NKAIN2: variants seen among roughly 807,000 people sequenced by gnomAD.
The protein encoded by NKAIN2 is sodium/potassium-transporting ATPase subunit beta-1-interacting protein 2.
A neutral mutation model predicts 32.6 loss-of-function variants in NKAIN2; 14 were observed. The ratio of observed to expected loss-of-function variants is 0.43; its 90% CI spans 0.28 to 0.67. The LOEUF (loss-of-function observed/expected upper bound fraction) is 0.67, where lower values mean the gene tolerates loss of function less well. Among genes scored for constraint, NKAIN2 ranks in the 30% least tolerant of loss-of-function variants. NKAIN2 has a pLI of 0.17. For synonymous variants in NKAIN2, 80 were observed against 87.2 expected, an observed-to-expected ratio of 0.92 and a Z score of 0.46; for missense variants, 198 against 258.3, an observed-to-expected ratio of 0.77 and a Z score of 1.60.
At chr6:124,575,369 T>C (rs142824439) in intron 3 of NKAIN2, among the ~76,000 whole-genome samples, 14 of 152,372 alleles carry the variant, frequency 9.2e-5, no homozygotes, top group African/African-American at 3.4e-4. Context: ...GACTGTCTTC[T>C]CTTTTATAAT....
At chr6:124,786,075 C>A (rs1489315576) in intron 4 of NKAIN2, among the ~76,000 whole-genome samples, 1 of 152,032 alleles carries the variant, frequency 6.6e-6, no homozygotes, top group East Asian at 1.9e-4. Context: ...GCTAGGCTGC[C>A]TTTTCCCTTT....
intron 1 of NKAIN2, among the ~76,000 whole-genome samples, chr6:123,992,511 T>A (rs914153882): frequency 3.3e-5 from 5 of 152,196 alleles, no homozygotes; most frequent in Non-Finnish European, 4.4e-5. Flanking sequence ...TTGAGTCCTC[T>A]TGAAGGCGAA....
chr6:124,285,231 CT>C (rs1554277398), intron 2 of NKAIN2, among the ~76,000 whole-genome samples: 1 of 152,120 alleles, frequency 6.6e-6, no homozygotes, highest in African/African-American at 2.4e-5. Flanking sequence ...AAATGATAAA[CT>C]TTTTTTTCCA....
At chr6:123,918,546 G>A (rs1256277273) in intron 1 of NKAIN2, among the ~76,000 whole-genome samples, 3 of 152,124 alleles carry the variant, frequency 2.0e-5, no homozygotes, top group Non-Finnish European at 4.4e-5. Flanking sequence ...TTAATTTTAT[G>A]TGTCAAAAAA....
At chr6:123,962,957 G>C (rs1777913668) in intron 1 of NKAIN2, among the ~76,000 whole-genome samples, 1 of 152,194 alleles carries the variant, frequency 6.6e-6, no homozygotes, top group Non-Finnish European at 1.5e-5. Flanking sequence ...ACCTCAGTAA[G>C]AACCTGACAA....
chr6:124,153,310 C>T (rs1787822925), intron 1 of NKAIN2, among the ~76,000 whole-genome samples: 1 of 151,720 alleles, frequency 6.6e-6, no homozygotes, highest in African/African-American at 2.4e-5. Flanking sequence ...AAGCAGATCT[C>T]TATGGATATT....
At chr6:124,088,368 C>A (rs1330776279) in intron 1 of NKAIN2, among the ~76,000 whole-genome samples, 1 of 151,866 alleles carries the variant, frequency 6.6e-6, no homozygotes, top group East Asian at 1.9e-4. Flanking sequence ...TCAATCATGC[C>A]ACTGCACTCC....
chr6:123,864,466 C>G (rs1775906370), intron 1 of NKAIN2, among the ~76,000 whole-genome samples: 1 of 152,178 alleles, frequency 6.6e-6, no homozygotes, highest in South Asian at 2.1e-4. Flanking sequence ...AGTCCCTATT[C>G]TTATGAAGCT....
At chr6:124,744,007 C>A (rs1280026890) in intron 4 of NKAIN2, among the ~76,000 whole-genome samples, 1 of 151,674 alleles carries the variant, frequency 6.6e-6, no homozygotes, top group Non-Finnish European at 1.5e-5. Flanking sequence ...TAATTGTGAT[C>A]AGTTATGTTT....
intron 1 of NKAIN2, among the ~76,000 whole-genome samples, chr6:123,892,874 A>G (rs1774089304): frequency 6.6e-6 from 1 of 151,324 alleles, no homozygotes; most frequent in African/African-American, 2.4e-5. Context: ...GATGCCATAT[A>G]CCTCAAATTT....
intron 4 of NKAIN2, among the ~76,000 whole-genome samples, chr6:124,730,760 A>T (rs1461852902): frequency 6.6e-6 from 1 of 152,014 alleles, no homozygotes; most frequent in Non-Finnish European, 1.5e-5. Context: ...AACTACCATC[A>T]GAGTGAACAG....
intron 4 of NKAIN2, among the ~76,000 whole-genome samples, chr6:124,764,376 C>T (rs982698177): frequency 3.3e-5 from 5 of 151,972 alleles, no homozygotes; most frequent in Non-Finnish European, 4.4e-5. Flanking sequence ...AAAAATTCAC[C>T]AATAATATAT....
At position 124,323,784 on chromosome 6, in the gene NKAIN2, CT is replaced by C. The variant is rs1188944631; in HGVS notation, c.193-31464del. ...GCTGTTTCAATTCTTTTAATTTTTT[CT>C]TTTTTTTTTTTTTTTTTTCTGAGAC... On this transcript the variant is annotated intron_variant, in intron 2 of 6. Transcript: ENST00000368417. 2.5e-3 allele frequency among the ~76,000 whole-genome samples: 291 copies of C among 115,930 alleles called. 3 individuals carry two copies. The highest frequency in any genetic ancestry group is 0.012 in the South Asian group (48 of 3,900). 76.1% of individuals were successfully genotyped at this position (115,930 alleles called of 152,430 possible).
chr6:124,486,859 T>A (rs1777672052), intron 3 of NKAIN2, among the ~76,000 whole-genome samples: 1 of 152,138 alleles, frequency 6.6e-6, no homozygotes, highest in African/African-American at 2.4e-5. Flanking sequence ...TACCATCTTC[T>A]TATCCTAGCC....
At chr6:124,602,233 A>G (rs150013965) in intron 3 of NKAIN2, among the ~76,000 whole-genome samples, 2 of 152,148 alleles carry the variant, frequency 1.3e-5, no homozygotes, top group Non-Finnish European at 2.9e-5. Flanking sequence ...CTATCAGTCC[A>G]GTCCATGCTT....
At chr6:124,126,606 G>A (rs1394310671) in intron 1 of NKAIN2, among the ~76,000 whole-genome samples, 1 of 152,098 alleles carries the variant, frequency 6.6e-6, no homozygotes, top group Non-Finnish European at 1.5e-5. Context: ...TAGCCGTTCA[G>A]TATTGCCCAA....
At chr6:123,943,625 A>G (rs1469964550) in intron 1 of NKAIN2, among the ~76,000 whole-genome samples, 1 of 152,068 alleles carries the variant, frequency 6.6e-6, no homozygotes, top group African/African-American at 2.4e-5. Flanking sequence ...AGGAGATAAC[A>G]TATGAAGTAT....
At chr6:124,649,867 T>C (rs1163864503) in intron 3 of NKAIN2, among the ~76,000 whole-genome samples, 1 of 152,168 alleles carries the variant, frequency 6.6e-6, no homozygotes, top group African/African-American at 2.4e-5. Flanking sequence ...AATTACAATA[T>C]CTATAGATGT....
intron 3 of NKAIN2, among the ~76,000 whole-genome samples, chr6:124,379,483 T>G (rs1800165177): frequency 6.6e-6 from 1 of 152,002 alleles, no homozygotes; most frequent in South Asian, 2.1e-4. Flanking sequence ...CCTTATAAAT[T>G]TAGTTTCTAA....
Sources: allele counts gnomAD v4.1 joint callset (sites outside exome capture counted in the v4.1 genomes callset), GRCh38; gene constraint gnomAD v4.1.1; transcripts MANE v1.5; gene names NCBI Gene and HGNC (gene_info 2026-07-23, HGNC 2026-07-21).